HTR4: variants seen among roughly 807,000 people sequenced by gnomAD.
The protein encoded by HTR4 is 5-hydroxytryptamine (serotonin) receptor 4, G protein-coupled.
In HTR4, 16 loss-of-function variants were observed where a neutral mutation model predicts 36.8. The ratio of observed to expected loss-of-function variants is 0.43; its 90% CI spans 0.29 to 0.66. HTR4 has a LOEUF of 0.66. Ranked by LOEUF, HTR4 falls within the 30% of genes least tolerant of loss-of-function variation. The pLI is 0.13. For synonymous variants in HTR4, 189 were observed against 185.1 expected (o/e 1.02, Z -0.17); for missense variants, 438 against 490.9 (o/e 0.89, Z 1.02).
intron 6 of HTR4, among the ~76,000 whole-genome samples, chr5:148,495,453 G>A (rs547259820): frequency 6.6e-6 from 1 of 152,222 alleles, no homozygotes; most frequent in East Asian, 1.9e-4. Flanking sequence ...CAGAAGAGAG[G>A]GTAAGCCAGT....
chr5:148,649,387 T>C (rs964546157), intron 1 of HTR4, among the ~76,000 whole-genome samples: 1 of 152,174 alleles, frequency 6.6e-6, no homozygotes, highest in Non-Finnish European at 1.5e-5. Flanking sequence ...TAATTCTACA[T>C]AAATATGCAG....
In HTR4 at chr5:148,457,956, T is replaced by G. The variant is rs982964343; in HGVS notation, c.1077-6684A>C. 8.1e-3 allele frequency among the ~76,000 whole-genome samples: 1,057 copies of G among 130,076 alleles called. 14 individuals carry two copies. The highest frequency in any genetic ancestry group is 0.028 in the African/African-American group (984 of 35,268). 85.3% of individuals were successfully genotyped at this position (130,076 alleles called of 152,430 possible). On this transcript the variant is annotated intron_variant, in intron 5 of 5. Transcript: ENST00000521530. ...ATTATATTTTAAGATATATTAAATA[T>G]ATATTAAAATATAATATATTTTAAT...
intron 2 of HTR4, among the ~76,000 whole-genome samples, chr5:148,602,833 T>A (rs2127270686): frequency 6.6e-6 from 1 of 152,152 alleles, no homozygotes; most frequent in Non-Finnish European, 1.5e-5. Context: ...TCTACAAACA[T>A]CACAAAAGTA....
chr5:148,629,506 A>G (rs1226821516), intron 2 of HTR4: 2 of 152,198 alleles, frequency 1.3e-5, no homozygotes, highest in African/African-American at 4.8e-5. Context: ...CAGACTGCTC[A>G]TTTAGCAGGC....
At chr5:148,501,492 T>A (rs1016008929) in intron 6 of HTR4, among the ~76,000 whole-genome samples, 6 of 152,160 alleles carry the variant, frequency 3.9e-5, no homozygotes, top group Admixed American at 6.5e-5. Context: ...TTAAGAAAAA[T>A]GCAAAAATTG....
At chr5:148,586,030 T>G (rs1761333996) in intron 2 of HTR4, among the ~76,000 whole-genome samples, 2 of 152,196 alleles carry the variant, frequency 1.3e-5, no homozygotes, top group African/African-American at 4.8e-5. Flanking sequence ...TCCCTTAAAA[T>G]GTATCATTAT....
intron 5 of HTR4, among the ~76,000 whole-genome samples, chr5:148,512,125 A>G (rs772917361): frequency 6.6e-6 from 1 of 152,134 alleles, no homozygotes; most frequent in Non-Finnish European, 1.5e-5. Context: ...TATTGCCTAG[A>G]TCTTGTCAGT....
intron 6 of HTR4, chr5:148,484,451 C>A: frequency 7.0e-7 from 1 of 1,421,488 alleles, no homozygotes; most frequent in South Asian, 1.2e-5. Flanking sequence ...AGCTATGAGT[C>A]TATGGTTTCT....
chr5:148,478,614 T>C (rs1020341818), downstream of HTR4, among the ~76,000 whole-genome samples: 6 of 152,060 alleles, frequency 3.9e-5, no homozygotes, highest in Non-Finnish European at 8.8e-5. Flanking sequence ...GGTCCAGCGA[T>C]TGGGCTTTAG....
chr5:148,481,819 T>G lies in HTR4; in HGVS notation c.*1384A>C. On this transcript the variant is annotated 3_prime_UTR_variant, in exon 7 of 7. Transcript: ENST00000377888. ...TGGGGCATTCGCAAGAGCCACTGACTCAGCTTTGAATAAAAGACATCCAGA... is the reference window on the plus strand; with the variant it reads ...TGGGGCATTCGCAAGAGCCACTGACGCAGCTTTGAATAAAAGACATCCAGA... The G allele has an allele frequency of 7.4e-7, 1 of 1,342,884 alleles. No homozygotes were observed. The highest frequency in any genetic ancestry group is 9.5e-7 in the Non-Finnish European group (1 of 1,054,168). The allele number at this position is 1,342,884 out of a possible 1,614,324, so 83.2% of individuals were successfully genotyped here.
intron 2 of HTR4, among the ~76,000 whole-genome samples, chr5:148,622,719 G>A (rs889165311): frequency 6.6e-6 from 1 of 152,058 alleles, no homozygotes; most frequent in Admixed American, 6.5e-5. Context: ...CCCTTATTTT[G>A]CTAGATATTG....
At chr5:148,470,840 C>A (rs1755550279) in intron 5 of HTR4, among the ~76,000 whole-genome samples, 1 of 152,116 alleles carries the variant, frequency 6.6e-6, no homozygotes. Context: ...AGGCACCCAC[C>A]ACCATGACCA....
At chr5:148,584,679 C>A (rs909882534) in intron 2 of HTR4, among the ~76,000 whole-genome samples, 1 of 152,178 alleles carries the variant, frequency 6.6e-6, no homozygotes, top group African/African-American at 2.4e-5. Flanking sequence ...CTCCATCAAG[C>A]TACTCTCTTT....
chr5:148,549,139 C>G (rs186899961), intron 3 of HTR4, among the ~76,000 whole-genome samples: 4 of 152,142 alleles, frequency 2.6e-5, no homozygotes, highest in Admixed American at 1.3e-4. Context: ...TTTTCCTCCC[C>G]CTTCTGGCCA....
chr5:148,534,162 T>A (rs529040307), intron 4 of HTR4, among the ~76,000 whole-genome samples: 1 of 152,232 alleles, frequency 6.6e-6, no homozygotes, highest in East Asian at 1.9e-4. Context: ...GGTAAACAGG[T>A]CATGTATAGC....
chr5:148,556,042 G>A (rs1759936391), intron 2 of HTR4, among the ~76,000 whole-genome samples: 1 of 151,700 alleles, frequency 6.6e-6, no homozygotes. Flanking sequence ...ATTTATTTTT[G>A]AGACAGAGTC....
At chr5:148,581,404 G>C (rs958872839) in intron 2 of HTR4, among the ~76,000 whole-genome samples, 1 of 151,376 alleles carries the variant, frequency 6.6e-6, no homozygotes, top group Non-Finnish European at 1.5e-5. Flanking sequence ...CCATATCCAA[G>C]AAATTATTAC....
At chr5:148,480,424 G>C (rs1755838563), downstream of HTR4, among the ~76,000 whole-genome samples, 2 of 152,168 alleles carry the variant, frequency 1.3e-5, no homozygotes, top group Non-Finnish European at 2.9e-5. Context: ...TATTGCCCAG[G>C]CTGAAGTGCA....
chr5:148,550,097 A>C (rs201875012), intron 3 of HTR4, 40 bp downstream of exon 3: 2 of 1,611,400 alleles, frequency 1.2e-6, no homozygotes, highest in African/African-American at 2.7e-5. Context: ...ACAGCTCAGA[A>C]CTCCCATGTT....
Sources: allele counts gnomAD v4.1 joint callset (sites outside exome capture counted in the v4.1 genomes callset), GRCh38; gene constraint gnomAD v4.1.1; transcripts MANE v1.5; gene names NCBI Gene and HGNC (gene_info 2026-07-23, HGNC 2026-07-21).